The following PIK3R3 variants were observed in gnomAD, a reference collection of about 807,000 sequenced individuals.
The protein encoded by PIK3R3 is phosphatidylinositol 3-kinase regulatory subunit gamma.
A neutral mutation model predicts 62.9 loss-of-function variants in PIK3R3; 64 were observed. The observed-to-expected ratio is 1.02, with a 90% CI of 0.83 to 1.25. The LOEUF is 1.25. PIK3R3 is among the 50% of genes most tolerant of loss of function. The probability of loss-of-function intolerance (pLI) is 0.00; values close to 1 mark genes in which losing one functional copy is unlikely to be tolerated. For synonymous variants in PIK3R3, 165 were observed against 189.0 expected (o/e 0.87, Z 1.04); for missense variants, 614 against 561.6 (o/e 1.09, Z -0.94).
chr1:46,136,067 A>G (rs1655919658), upstream of PIK3R3, among the ~76,000 whole-genome samples: 1 of 147,240 alleles, frequency 6.8e-6, no homozygotes, highest in African/African-American at 2.5e-5. Context: ...AAATGGAAAT[A>G]TACTTTTTTT....
intron 1 of PIK3R3, among the ~76,000 whole-genome samples, chr1:46,098,324 T>C (rs1191353599): frequency 6.6e-6 from 1 of 152,166 alleles, no homozygotes; most frequent in East Asian, 1.9e-4. Context: ...GAAAGTAAAA[T>C]ATGACCCAGT....
the PIK3R3 span, among the ~76,000 whole-genome samples, chr1:46,142,697 CAAAAT>C: frequency 1.4e-5 from 2 of 141,936 alleles, no homozygotes; most frequent in African/African-American, 5.3e-5. Flanking sequence ...GACTCCGTCT[CAAAAT>C]AAAAAAAAAA....
At chr1:46,133,409 A>G (rs1487913804), upstream of PIK3R3, among the ~76,000 whole-genome samples, 1 of 152,170 alleles carries the variant, frequency 6.6e-6, no homozygotes, top group African/African-American at 2.4e-5. Context: ...CCGCGGGGGA[A>G]GGGAGCGGAC....
chr1:46,081,367 G>A (rs1157352429), intron 1 of PIK3R3, among the ~76,000 whole-genome samples: 8 of 152,232 alleles, frequency 5.3e-5, no homozygotes, highest in East Asian at 1.9e-4. Flanking sequence ...CCCGGGCTGC[G>A]GACTGGCACT....
chr1:46,062,097 C>G lies in PIK3R3; in HGVS notation c.622-26G>C, dbSNP rs183135902. On this transcript the variant is annotated intron_variant, in intron 5 of 9. Transcript: ENST00000262741. ...CTACAGGAGAGAAAAAGAAAAAACACAGGCTTCATTATCTTTATTATTTTC... is the reference window on the plus strand; with the variant it reads ...CTACAGGAGAGAAAAAGAAAAAACAGAGGCTTCATTATCTTTATTATTTTC... 1,853 of 1,567,560 alleles carry G rather than the reference C, an allele frequency of 1.2e-3. 7 individuals are homozygous for G. The highest frequency in any genetic ancestry group is 6.1e-3 in the Middle Eastern group (36 of 5,874).
chr1:46,115,593 A>G (rs1654114923), intron 1 of PIK3R3, among the ~76,000 whole-genome samples: 1 of 152,226 alleles, frequency 6.6e-6, no homozygotes, highest in Admixed American at 6.5e-5. Flanking sequence ...ACTAGGAACC[A>G]GTCCCAGTTA....
intron 1 of PIK3R3, among the ~76,000 whole-genome samples, chr1:46,103,121 A>G (rs1652862364): frequency 2.0e-5 from 3 of 152,196 alleles, no homozygotes; most frequent in Admixed American, 2.0e-4. Context: ...AGTAGACAAA[A>G]TCATAGAAAC....
intron 1 of PIK3R3, among the ~76,000 whole-genome samples, chr1:46,105,518 C>G (rs2149447471): frequency 6.7e-6 from 1 of 149,280 alleles, no homozygotes; most frequent in East Asian, 2.0e-4. Context: ...CAAAACAAAA[C>G]AAAAAACAGC....
At chr1:46,141,362 C>T in the PIK3R3 span, among the ~76,000 whole-genome samples, 3 of 152,116 alleles carry the variant, frequency 2.0e-5, no homozygotes, top group African/African-American at 7.2e-5. Context: ...CCTTCCGCCT[C>T]CCGGGTTCAA....
the PIK3R3 span, among the ~76,000 whole-genome samples, chr1:46,140,257 T>G: frequency 6.6e-6 from 1 of 152,204 alleles, no homozygotes; most frequent in African/African-American, 2.4e-5. Context: ...GCCTCCCATG[T>G]GCTAGGATTA....
chr1:46,082,391 A>G (rs1650680768), intron 1 of PIK3R3, among the ~76,000 whole-genome samples: 1 of 152,246 alleles, frequency 6.6e-6, no homozygotes, highest in Admixed American at 6.5e-5. Context: ...GAAGAAGACT[A>G]AAGAATCCTG....
chr1:46,122,280 T>C (rs553824087), intron 1 of PIK3R3, among the ~76,000 whole-genome samples: 1 of 152,256 alleles, frequency 6.6e-6, no homozygotes, highest in Admixed American at 6.5e-5. Flanking sequence ...CACAGTAAAA[T>C]TAAGTGGTAT....
rs1474867826 is a variant in PIK3R3 at position 46,048,407 on chromosome 1, T to C, written c.942-1782A>G. ...TTTCATTTTTTATTCTTAGCAAAACTGGAAAATAGATAATATGTGATCTTG... is the reference window on the plus strand; with the variant it reads ...TTTCATTTTTTATTCTTAGCAAAACCGGAAAATAGATAATATGTGATCTTG... On this transcript the variant is annotated intron_variant, in intron 7 of 9. Transcript: ENST00000262741. 5 of 152,188 alleles carry C rather than the reference T, an allele frequency of 3.3e-5. No homozygotes were observed. In the East Asian group the frequency reaches 9.6e-4, roughly 29 times the overall value. 9.4% of individuals were successfully genotyped at this position (152,188 alleles called of 1,614,324 possible).
chr1:46,061,356 C>T (rs891994470), intron 6 of PIK3R3, among the ~76,000 whole-genome samples: 8 of 152,196 alleles, frequency 5.3e-5, no homozygotes, highest in Non-Finnish European at 1.2e-4. Flanking sequence ...CCCTCATTAT[C>T]GTTTAACCTG....
intron 6 of PIK3R3, among the ~76,000 whole-genome samples, chr1:46,059,570 T>C (rs1013656188): frequency 6.6e-6 from 1 of 152,156 alleles, no homozygotes; most frequent in African/African-American, 2.4e-5. Context: ...ATCCCAGCAC[T>C]TTGGGAAGCT....
At chr1:46,126,690 C>G (rs1191968837) in intron 1 of PIK3R3, among the ~76,000 whole-genome samples, 1 of 151,356 alleles carries the variant, frequency 6.6e-6, no homozygotes, top group East Asian at 1.9e-4. Context: ...CATGGTGGCG[C>G]AGAGGGATGC....
the PIK3R3 span, among the ~76,000 whole-genome samples, chr1:46,152,759 T>C: frequency 6.6e-6 from 1 of 152,060 alleles, no homozygotes; most frequent in Non-Finnish European, 1.5e-5. Context: ...GAGATGGGGT[T>C]TCACCGTGTT....
chr1:46,046,552 C>A lies in PIK3R3; in HGVS notation c.1015G>T (p.Glu339Ter). 2 of 1,603,656 alleles carry A rather than the reference C, an allele frequency of 1.2e-6. No homozygotes were observed. Among genetic ancestry groups the A allele is most frequent in the Non-Finnish European group, 1.7e-6 (2 of 1,170,432 alleles). The change falls in exon 8 of 10, where the codon GAG (glutamate) becomes TAG (stop). Residue 339 changes from glutamate to a stop codon, truncating the protein, a stop_gained and splice_region_variant. Coordinates refer to ENST00000262741, the MANE Select transcript of PIK3R3 (RefSeq NM_003629.4). LOFTEE classifies it high-confidence loss of function. ...CAGAAAGGTATAGAGAGAACTTACTCATCAGCATCCTCATTCTTAATTCCC... is the reference window on the plus strand; with the variant it reads ...CAGAAAGGTATAGAGAGAACTTACTAATCAGCATCCTCATTCTTAATTCCC... Reference protein sequence around the residue: ...WLGIKNEDADENYFINEEDEN... With the variant: ...WLGIKNEDAD
the PIK3R3 span, among the ~76,000 whole-genome samples, chr1:46,156,040 T>A: frequency 9.2e-5 from 14 of 152,094 alleles, no homozygotes; most frequent in Non-Finnish European, 1.5e-5. Context: ...GTAATGTACA[T>A]GAAAAAGAGT....
Sources: gnomAD v4.1 joint callset for allele counts (sites outside exome capture counted in the v4.1 genomes callset) on GRCh38, gnomAD v4.1.1 for gene constraint, MANE v1.5 for transcripts, NCBI Gene and HGNC (gene_info 2026-07-23, HGNC 2026-07-21) for gene names.